Variants in MYL4 observed in about 807,000 individuals in gnomAD.
MYL4 encodes atrial myosin light chain 1.
A neutral mutation model predicts 21.6 loss-of-function variants in MYL4; 16 were observed. That is an observed-to-expected ratio of 0.74 (90% CI 0.50 to 1.12). The LOEUF is 1.12. Among genes scored for constraint, MYL4 ranks in the 50% most tolerant of loss-of-function variants. MYL4 has a pLI of 0.00. For missense variants in MYL4, 249 were observed against 252.9 expected (o/e 0.98, Z 0.11); for synonymous variants, 82 against 95.7 (o/e 0.86, Z 0.83).
intron 2 of MYL4, among the ~76,000 whole-genome samples, chr17:47,216,189 G>C (rs907665447): frequency 2.0e-5 from 3 of 151,768 alleles, no homozygotes; most frequent in Non-Finnish European, 4.4e-5. Flanking sequence ...TTAGAGAGGG[G>C]TTACTACCAC....
upstream of MYL4, among the ~76,000 whole-genome samples, chr17:47,195,717 G>A (rs2064687091): frequency 6.6e-6 from 1 of 152,104 alleles, no homozygotes; most frequent in Non-Finnish European, 1.5e-5. Flanking sequence ...TTCTTCATCT[G>A]GCTAGCTCTG....
At chr17:47,208,180 C>T (rs762358893), upstream of MYL4, among the ~76,000 whole-genome samples, 1 of 152,072 alleles carries the variant, frequency 6.6e-6, no homozygotes, top group Non-Finnish European at 1.5e-5. Context: ...TTTGGAAGAC[C>T]GAGGCTAGTG....
intron 3 of MYL4, among the ~76,000 whole-genome samples, chr17:47,220,426 G>A (rs769083467): frequency 1.3e-5 from 2 of 152,210 alleles, no homozygotes; most frequent in Non-Finnish European, 2.9e-5. Context: ...TCACAGCACC[G>A]AGGTATCCTG....
intron 2 of MYL4, among the ~76,000 whole-genome samples, chr17:47,214,370 A>G (rs1567746972): frequency 6.6e-6 from 1 of 152,106 alleles, no homozygotes; most frequent in African/African-American, 2.4e-5. Flanking sequence ...TAACCCACTA[A>G]TGGTGGCAGG....
chr17:47,212,340 A>G (rs1429922449), intron 1 of MYL4, among the ~76,000 whole-genome samples: 7 of 152,270 alleles, frequency 4.6e-5, no homozygotes, highest in East Asian at 1.9e-4. Flanking sequence ...AAAATGTATT[A>G]CTTCATTCAA....
At chr17:47,210,914 C>T (rs1262974215) in intron 1 of MYL4, among the ~76,000 whole-genome samples, 1 of 152,138 alleles carries the variant, frequency 6.6e-6, no homozygotes, top group Non-Finnish European at 1.5e-5. Context: ...CTTCAGGATC[C>T]CTCCTCGCCT....
At position 47,210,034 on chromosome 17, in the gene MYL4, G is replaced by C. The variant is rs115857122; in HGVS notation, c.135+477G>C. ...CCCTGTGCATGGCAGTTTGGGAAAG[G>C]CTTCACTCACAAACACTCTTACGGC... On this transcript the variant is annotated intron_variant, in intron 1 of 6. Coordinates refer to ENST00000393450, the MANE Select transcript of MYL4 (RefSeq NM_002476.2). Among the ~76,000 whole-genome samples the C allele has an allele frequency of 4.5e-3, 679 of 152,264 alleles. 3 individuals carry two copies. The highest frequency in any genetic ancestry group is 0.016 in the African/African-American group (653 of 41,540).
rs760072257 is a variant in MYL4, at chr17:47,209,469, C to G, written c.47C>G (p.Ala16Gly). 3 of 1,614,028 alleles carry G rather than the reference C, an allele frequency of 1.9e-6. No individual in the cohort carries two copies. The African/African-American group carries it at 4.0e-5, about 22-fold the overall frequency. ...PEPKKEAAKP[A>G]PAPAPAPAPA... ...CCTAAGAAGGAGGCAGCCAAGCCAG[C>G]TCCAGCTCCAGCTCCAGCCCCTGCA... Residue 16 changes from alanine (A) to glycine (G), a missense_variant, in exon 1 of 7, where the codon GCT becomes GGT. By Grantham distance (60) the Ala-to-Gly change is moderately conservative. Coordinates refer to ENST00000393450, the MANE Select transcript of MYL4 (RefSeq NM_002476.2).
chr17:47,207,064 G>A (rs558435095), upstream of MYL4, among the ~76,000 whole-genome samples: 2 of 152,124 alleles, frequency 1.3e-5, no homozygotes, highest in Non-Finnish European at 2.9e-5. Context: ...TTTGGTAGCC[G>A]GCAAGGAAGA....
upstream of MYL4, among the ~76,000 whole-genome samples, chr17:47,206,949 G>A (rs939992589): frequency 3.3e-5 from 5 of 152,138 alleles, no homozygotes; most frequent in African/African-American, 7.2e-5. Flanking sequence ...CTCTTTCCTC[G>A]TCACCAACAA....
chr17:47,220,011 A>AAT lies in MYL4; in HGVS notation c.272_273dup (p.Ala92MetfsTer16), dbSNP rs768546854. The AAT allele has an allele frequency of 6.2e-7, 1 of 1,614,092 alleles. No homozygotes were observed. The highest frequency in any genetic ancestry group is 8.5e-7 in the Non-Finnish European group (1 of 1,179,984). On this transcript the variant is annotated frameshift_variant, in exon 3 of 7. Coordinates refer to ENST00000393450, the MANE Select transcript of MYL4 (RefSeq NM_002476.2). LOFTEE classifies it high-confidence loss of function. ...GCGGGCCCTGGGCCAGAACCCTACCAATGCCGAGGTGCTGCGTGTGCTGGG... is the reference window on the plus strand; with the variant it reads ...GCGGGCCCTGGGCCAGAACCCTACCAATATGCCGAGGTGCTGCGTGTGCTGGG...
intron 2 of MYL4, among the ~76,000 whole-genome samples, chr17:47,218,749 T>C (rs2064832981): frequency 6.6e-6 from 1 of 152,174 alleles, no homozygotes; most frequent in African/African-American, 2.4e-5. Flanking sequence ...ATCACACCAC[T>C]GTACTCCAGC....
At chr17:47,196,787 T>G (rs1003405230), upstream of MYL4, among the ~76,000 whole-genome samples, 46 of 152,198 alleles carry the variant, frequency 3.0e-4, no homozygotes, top group African/African-American at 1.1e-3. Context: ...TTGTTTAATA[T>G]AAGCTGCATT....
the MYL4 span, among the ~76,000 whole-genome samples, chr17:47,191,528 T>C: frequency 1.3e-5 from 2 of 152,316 alleles, no homozygotes; most frequent in African/African-American, 4.8e-5. Context: ...TGGAGTGTAA[T>C]GGCGCAATCT....
At chr17:47,220,838 G>A (rs767266820) in intron 3 of MYL4, among the ~76,000 whole-genome samples, 2 of 152,166 alleles carry the variant, frequency 1.3e-5, no homozygotes, top group Non-Finnish European at 2.9e-5. Flanking sequence ...GTGTTGGCAC[G>A]GGGTTTGGGG....
At chr17:47,193,456 C>T in the MYL4 span, among the ~76,000 whole-genome samples, 1 of 151,998 alleles carries the variant, frequency 6.6e-6, no homozygotes. Context: ...TCAGTAGAGA[C>T]GGAGTTTCGC....
chr17:47,216,101 T>C (rs1428674206), intron 2 of MYL4, among the ~76,000 whole-genome samples: 1 of 151,850 alleles, frequency 6.6e-6, no homozygotes, highest in African/African-American at 2.4e-5. Flanking sequence ...TTTGTGCTTT[T>C]TTTTTTTTTC....
At chr17:47,209,653 G>C (rs753654052) in intron 1 of MYL4, 96 bp downstream of exon 1, 1 of 1,591,308 alleles carries the variant, frequency 6.3e-7, no homozygotes, top group African/African-American at 1.3e-5. Context: ...GGCTGGACTG[G>C]GATGAGGACT....
intron 1 of MYL4, among the ~76,000 whole-genome samples, chr17:47,202,616 A>G: frequency 6.6e-6 from 1 of 152,230 alleles, no homozygotes; most frequent in East Asian, 1.9e-4. Flanking sequence ...ATCTGTCCAA[A>G]TTAAGTAAAT....
Sources: gnomAD v4.1 joint callset for allele counts (sites outside exome capture counted in the v4.1 genomes callset) on GRCh38, gnomAD v4.1.1 for gene constraint, MANE v1.5 for transcripts, NCBI Gene and HGNC (gene_info 2026-07-23, HGNC 2026-07-21) for gene names.